Variants in ADGRB3 observed in about 807,000 individuals in gnomAD.
ADGRB3 encodes brain-specific angiogenesis inhibitor 3.
ADGRB3 carries 37 observed loss-of-function variants against 193.4 expected under a neutral mutation model. That is an observed-to-expected ratio of 0.19 (90% CI 0.15 to 0.25). ADGRB3 has a LOEUF of 0.25. ADGRB3 is among the 10% of genes least tolerant of loss of function. The pLI is 1.00. For missense variants in ADGRB3, 1,637 were observed against 1,852.9 expected (o/e 0.88, Z 2.14); for synonymous variants, 690 against 644.2 (o/e 1.07, Z -1.08).
At chr6:69,009,768 C>G (rs1405557907) in intron 11 of ADGRB3, among the ~76,000 whole-genome samples, 1 of 152,042 alleles carries the variant, frequency 6.6e-6, no homozygotes, top group Admixed American at 6.6e-5. Context: ...ACTCTTAGGG[C>G]TTGTCTTTGT....
chr6:68,718,305 T>C (rs1765519664), intron 3 of ADGRB3, among the ~76,000 whole-genome samples: 1 of 151,724 alleles, frequency 6.6e-6, no homozygotes, highest in East Asian at 1.9e-4. Flanking sequence ...TTTTTGCAGA[T>C]TGGAGCCCAG....
chr6:68,747,732 A>ATTCT (rs1766111645), intron 3 of ADGRB3, among the ~76,000 whole-genome samples: 1 of 152,180 alleles, frequency 6.6e-6, no homozygotes, highest in Admixed American at 6.5e-5. Flanking sequence ...AAAAGTCAGA[A>ATTCT]TTACCTAGTT....
intron 20 of ADGRB3, among the ~76,000 whole-genome samples, chr6:69,267,468 C>G (rs1375765730): frequency 6.6e-6 from 1 of 152,080 alleles, no homozygotes; most frequent in African/African-American, 2.4e-5. Flanking sequence ...ACTGAGCTAG[C>G]ATTAGTCTGT....
At chr6:68,742,293 T>G (rs1018828153) in intron 3 of ADGRB3, among the ~76,000 whole-genome samples, 1 of 152,184 alleles carries the variant, frequency 6.6e-6, no homozygotes, top group Non-Finnish European at 1.5e-5. Flanking sequence ...TGTTTATATA[T>G]TATGTCTCAA....
chr6:68,841,099 A>T (rs958304169), intron 3 of ADGRB3, among the ~76,000 whole-genome samples: 2 of 148,388 alleles, frequency 1.3e-5, no homozygotes, highest in Non-Finnish European at 3.1e-5. Context: ...CCCAATATAG[A>T]AAACAAATAT....
At chr6:69,262,941 T>C (rs1054856817) in intron 20 of ADGRB3, among the ~76,000 whole-genome samples, 3 of 151,980 alleles carry the variant, frequency 2.0e-5, no homozygotes, top group South Asian at 4.1e-4. Context: ...GTTTGAGACC[T>C]TACATATAGC....
intron 3 of ADGRB3, among the ~76,000 whole-genome samples, chr6:68,661,068 C>CA (rs771671058): frequency 1.7e-4 from 25 of 149,946 alleles, no homozygotes; most frequent in Non-Finnish European, 3.6e-4. Flanking sequence ...ATTTTATATA[C>CA]AAAAAAATGT....
chr6:69,148,707 T>C (rs1774577215), intron 17 of ADGRB3, among the ~76,000 whole-genome samples: 1 of 152,200 alleles, frequency 6.6e-6, no homozygotes, highest in Admixed American at 6.5e-5. Flanking sequence ...TAGCATGTAT[T>C]GTAGGACATT....
intron 3 of ADGRB3, among the ~76,000 whole-genome samples, chr6:68,749,871 G>T (rs1008931959): frequency 6.6e-6 from 1 of 152,098 alleles, no homozygotes; most frequent in Non-Finnish European, 1.5e-5. Context: ...AATAATGTAG[G>T]ATCTTGAATT....
intron 3 of ADGRB3, among the ~76,000 whole-genome samples, chr6:68,853,019 C>T (rs1768437353): frequency 6.6e-6 from 1 of 152,042 alleles, no homozygotes; most frequent in African/African-American, 2.4e-5. Context: ...TCAGTGCAGA[C>T]TTGATCCATT....
In ADGRB3 at chr6:68,956,736, T is replaced by C. The variant is rs1582347178; in HGVS notation, c.1452T>C (p.Gly484=). 6.2e-7 allele frequency: 1 copy of C among 1,613,864 alleles called. No homozygotes were observed. The highest frequency in any genetic ancestry group is 8.5e-7 in the Non-Finnish European group (1 of 1,179,950). ...GWERRIRTCQ[G]AVITGQQCEG... ...AAAGGCGAATAAGGACCTGTCAGGG[T>C]GCAGTGATAACAGGGCAGCAATGTG... The change falls in exon 8 of 32, where the codon GGT becomes GGC. Residue 484 remains glycine (G), a synonymous_variant. Coordinates refer to ENST00000370598, the MANE Select transcript of ADGRB3 (RefSeq NM_001704.3).
intron 3 of ADGRB3, among the ~76,000 whole-genome samples, chr6:68,814,793 C>T (rs1417140335): frequency 6.6e-6 from 1 of 152,112 alleles, no homozygotes; most frequent in Non-Finnish European, 1.5e-5. Context: ...CCACCTTGAT[C>T]AAGTGGGCTT....
chr6:68,997,893 A>T (rs997332004), intron 11 of ADGRB3, among the ~76,000 whole-genome samples: 6 of 152,152 alleles, frequency 3.9e-5, no homozygotes, highest in Admixed American at 1.3e-4. Context: ...ATTTGTATAT[A>T]AAAACATTTA....
chr6:69,360,849 C>T lies in ADGRB3; in HGVS notation c.3596-20C>T, dbSNP rs956136887. ...ACACACATTAACTCTCTTTCTTCAA[C>T]TTTACATTCCTACTCACAGTTCTTC... On this transcript the variant is annotated intron_variant, in intron 28 of 31. Coordinates refer to ENST00000370598, the MANE Select transcript of ADGRB3 (RefSeq NM_001704.3). 6.4e-7 allele frequency: 1 copy of T among 1,551,534 alleles called. No individual in the cohort carries two copies. The highest frequency in any genetic ancestry group is 8.7e-7 in the Non-Finnish European group (1 of 1,151,962).
intron 3 of ADGRB3, among the ~76,000 whole-genome samples, chr6:68,739,862 C>A (rs1765943241): frequency 6.6e-6 from 1 of 152,066 alleles, no homozygotes; most frequent in Non-Finnish European, 1.5e-5. Flanking sequence ...GTTTCATTAT[C>A]TCACTTGTTT....
intron 30 of ADGRB3, among the ~76,000 whole-genome samples, chr6:69,380,040 T>C (rs968288689): frequency 4.6e-5 from 7 of 152,010 alleles, no homozygotes; most frequent in Non-Finnish European, 1.0e-4. Flanking sequence ...TAGACTTTCA[T>C]AGCAATCCAA....
chr6:68,757,808 C>T (rs1025837804), intron 3 of ADGRB3, among the ~76,000 whole-genome samples: 1 of 152,118 alleles, frequency 6.6e-6, no homozygotes, highest in African/African-American at 2.4e-5. Context: ...AATGTTTCAG[C>T]CCCTTGCAGC....
intron 17 of ADGRB3, among the ~76,000 whole-genome samples, chr6:69,126,244 T>C (rs975066802): frequency 1.7e-4 from 26 of 151,914 alleles, no homozygotes; most frequent in Admixed American, 3.9e-4. Flanking sequence ...CATACATACA[T>C]ACATACATAC....
chr6:69,193,142 C>T (rs895848210), intron 17 of ADGRB3, among the ~76,000 whole-genome samples: 1 of 152,054 alleles, frequency 6.6e-6, no homozygotes, highest in African/African-American at 2.4e-5. Flanking sequence ...ATCAGGACTG[C>T]CTTCTCCTAT....
Sources: allele counts gnomAD v4.1 joint callset (sites outside exome capture counted in the v4.1 genomes callset), GRCh38; gene constraint gnomAD v4.1.1; transcripts MANE v1.5; gene names NCBI Gene and HGNC (gene_info 2026-07-23, HGNC 2026-07-21).